SACS: variants seen among roughly 807,000 people sequenced by gnomAD.
The protein encoded by SACS is sacsin.
In SACS, 197 loss-of-function variants were observed where a neutral mutation model predicts 348.0. The observed-to-expected ratio is 0.57, with a 90% CI of 0.50 to 0.64. The LOEUF (loss-of-function observed/expected upper bound fraction) is 0.64. Among genes scored for constraint, SACS ranks in the 30% least tolerant of loss-of-function variants. The pLI is 0.00. For missense variants in SACS, 4,999 were observed against 5,360.8 expected (o/e 0.93, Z 2.11); for synonymous variants, 1,985 against 1,910.6 (o/e 1.04, Z -1.02).
chr13:23,333,549 T>G lies in SACS; in HGVS notation c.10327A>C (p.Lys3443Gln), dbSNP rs768317695. ...TKSIPSAEVE[K>Q]WTQSSSSAFL... ...GCAGATGATGATGACTGTGTCCATT[T>G]CTCCACTTCAGCTGAAGGGATACTT... The change falls in exon 10 of 10, where the codon AAA (lysine) becomes CAA (glutamine). Residue 3443 changes from lysine to glutamine, a missense_variant. Around this residue, in one of 6 missense-constraint regions of SACS, gnomAD observed 734 missense variants for 694.0 expected, o/e 1.06. Transcript: ENST00000382292. The G allele has an allele frequency of 1.2e-6, 2 of 1,613,654 alleles. No individual in the cohort carries two copies. Among genetic ancestry groups the G allele is most frequent in the Non-Finnish European group, 1.7e-6 (2 of 1,179,690 alleles).
intron 5 of SACS, 77 bp from the exon 6 acceptor site, chr13:23,365,354 AT>A: frequency 1.2e-6 from 1 of 857,960 alleles, no homozygotes; most frequent in East Asian, 2.7e-5. Flanking sequence ...TATCTATAAT[AT>A]TTAAGAAGTT....
intron 1 of SACS, among the ~76,000 whole-genome samples, chr13:23,418,541 CTG>C (rs1243185490): frequency 6.6e-6 from 1 of 152,034 alleles, no homozygotes; most frequent in East Asian, 1.9e-4. Flanking sequence ...GAGTCTTGCT[CTG>C]TCTCTCCAGC....
At chr13:23,359,349 AATCTT>A (rs1182088477) in intron 6 of SACS, among the ~76,000 whole-genome samples, 2 of 152,196 alleles carry the variant, frequency 1.3e-5, no homozygotes, top group Non-Finnish European at 2.9e-5. Context: ...TTAAAAAATA[AATCTT>A]ATTTCATAAG....
In SACS at chr13:23,336,984, T is replaced by G. The variant is rs183358981; in HGVS notation, c.6892A>C (p.Lys2298Gln). The G allele has an allele frequency of 2.5e-6, 4 of 1,614,040 alleles. No individual in the cohort carries two copies. Among genetic ancestry groups the G allele is most frequent in the Admixed American group, 3.3e-5 (2 of 60,022 alleles). ...PTVDLVINQL[K>Q]EVAKSVDDGI... ...TCATCAACTGATTTTGCTACTTCTT[T>G]CAATTGGTTTATAACCAGATCAACT... Residue 2298 changes from lysine to glutamine, a missense_variant, in exon 10 of 10, where the codon AAA becomes CAA. This residue lies in a region of SACS where 3,156 missense variants were observed against 3,380.1 expected (regional missense o/e 0.93). Coordinates refer to ENST00000382292, the MANE Select transcript of SACS (RefSeq NM_014363.6).
chr13:23,384,492 C>T (rs536511477), intron 2 of SACS, among the ~76,000 whole-genome samples: 1 of 152,326 alleles, frequency 6.6e-6, no homozygotes, highest in East Asian at 1.9e-4. Context: ...TCCTTCTTAA[C>T]TTTTCTGTTT....
chr13:23,354,874 G>C lies in SACS; in HGVS notation c.1738C>G (p.Leu580Val), dbSNP rs1313635074. The C allele has an allele frequency of 6.2e-7, 1 of 1,614,138 alleles. No homozygotes were observed. Among genetic ancestry groups the C allele is most frequent in the South Asian group, 1.1e-5 (1 of 91,090 alleles). Residue 580 changes from leucine to valine, a missense_variant, in exon 8 of 10, where the codon CTT (leucine) becomes GTT (valine). By Grantham distance (32) the Leu-to-Val change is conservative (BLOSUM62 1). This residue lies in a region of SACS where 3,156 missense variants were observed against 3,380.1 expected (regional missense o/e 0.93). Coordinates refer to ENST00000382292, the MANE Select transcript of SACS (RefSeq NM_014363.6). ...TTTGTGTATTCTAAATTTTCATCAA[G>C]TTCTGAGAAGTACACCTGCTCCAAC... is the stretch of plus-strand genomic sequence containing the variant. ...VRLEQVYFSE[L>V]DENLEYTKTV...
Position 23,340,078 on chromosome 13 carries a change from C to T in SACS, c.3798G>A (p.Gly1266=). 1 of 1,613,944 alleles carries T rather than the reference C, an allele frequency of 6.2e-7. No individual in the cohort carries two copies. Among genetic ancestry groups the T allele is most frequent in the Non-Finnish European group, 8.5e-7 (1 of 1,179,928 alleles). The change falls in exon 10 of 10, where the codon GGG becomes GGA. Residue 1266 remains glycine, a synonymous_variant. Coordinates refer to ENST00000382292, the MANE Select transcript of SACS (RefSeq NM_014363.6). ...ATTTTAAGGCTCTAAAAGAATCTTT[C>T]CCTTCATTTAGATGATCATGCATGA... The part of the protein sequence containing the change: ...YGFMHDHLNE[G]KDSFRALKFP...
rs754033201 is a variant in SACS at position 23,337,527 on chromosome 13, C to T, written c.6349G>A (p.Glu2117Lys). The change falls in exon 10 of 10, where the codon GAA becomes AAA. Residue 2117 changes from glutamate (E) to lysine (K), a missense_variant. Physicochemically the swap from Glu to Lys is moderately conservative, Grantham distance 56. Around this residue, in one of 6 missense-constraint regions of SACS, gnomAD observed 3,156 missense variants for 3,380.1 expected, o/e 0.93. Transcript: ENST00000382292. Reference protein sequence around the residue: ...LVLPSRLIHPEGRVAKLFDIK... With the variant: ...LVLPSRLIHPKGRVAKLFDIK... ...TCAAATAACTTTGCAACTCGTCCTTCGGGGTGGATCAATCTTGATGGCAAA... is the reference window on the plus strand; with the variant it reads ...TCAAATAACTTTGCAACTCGTCCTTTGGGGTGGATCAATCTTGATGGCAAA... 22 of 1,613,892 alleles carry T rather than the reference C, an allele frequency of 1.4e-5. No homozygotes were observed. The highest frequency in any genetic ancestry group is 9.3e-5 in the African/African-American group (7 of 74,990).
intron 7 of SACS, among the ~76,000 whole-genome samples, chr13:23,357,796 T>C (rs182301443): frequency 6.6e-6 from 1 of 152,338 alleles, no homozygotes; most frequent in Non-Finnish European, 1.5e-5. Flanking sequence ...AGATTAAAAA[T>C]ATGATTTCAA....
At chr13:23,409,378 C>T (rs1364403673) in intron 2 of SACS, among the ~76,000 whole-genome samples, 4 of 95,462 alleles carry the variant, frequency 4.2e-5, no homozygotes, top group Admixed American at 1.3e-4. Flanking sequence ...TTTTTTTAAA[C>T]ATGGTGTTTC....
In SACS at chr13:23,329,314, ATATAAAT is replaced by A. The variant is rs1347990910; in HGVS notation, c.*815_*821del. The A allele has an allele frequency of 3.1e-6, 2 of 639,442 alleles. No individual in the cohort carries two copies. The highest frequency in any genetic ancestry group is 3.8e-5 in the African/African-American group (2 of 52,344). The allele number at this position is 639,442 out of a possible 1,614,324, so 39.6% of individuals were successfully genotyped here. On this transcript the variant is annotated 3_prime_UTR_variant, in exon 10 of 10. Transcript: ENST00000382292. ...AGATTGCATCCTGTTCAACCACACT[ATATAAAT>A]TATAACATTTGTGGAAAATATGTAC...
rs765901247 is a variant in SACS, at chr13:23,355,739, C to T, written c.873G>A (p.Lys291=). 6.2e-7 allele frequency: 1 copy of T among 1,614,138 alleles called. No individual in the cohort carries two copies. Among genetic ancestry groups the T allele is most frequent in the South Asian group, 1.1e-5 (1 of 91,074 alleles). Reference sequence around the variant, plus strand: ...TAAAAGACTCAAACAACTCAAGAACCTTCTGCTTATTGTAGAGGTTACTAC... The same window carrying T: ...TAAAAGACTCAAACAACTCAAGAACTTTCTGCTTATTGTAGAGGTTACTAC... ...QLSSNLYNKQ[K]VLELFESFRA... is the part of the protein sequence containing the mutation. The change falls in exon 8 of 10, where the codon AAG becomes AAA. Residue 291 remains lysine, a synonymous_variant. Coordinates refer to ENST00000382292, the MANE Select transcript of SACS (RefSeq NM_014363.6).
At position 23,337,235 on chromosome 13, in the gene SACS, C is replaced by A. The variant is rs765977497; in HGVS notation, c.6641G>T (p.Arg2214Leu). ...KDFAAKYQTI[R>L]FLPFLTKPAG... Reference sequence around the variant, plus strand: ...TGGTTTTGTCAGAAATGGAAGGAAGCGGATTGTTTGATATTTTGCAGCAAA... The same window carrying A: ...TGGTTTTGTCAGAAATGGAAGGAAGAGGATTGTTTGATATTTTGCAGCAAA... Residue 2214 changes from arginine to leucine, a missense_variant, in exon 10 of 10, where the codon CGC becomes CTC. Transcript: ENST00000382292. 5.0e-6 allele frequency: 8 copies of A among 1,613,746 alleles called. No individual in the cohort carries two copies. The African/African-American group carries it at 9.3e-5, about 19-fold the overall frequency.
intron 2 of SACS, among the ~76,000 whole-genome samples, chr13:23,407,890 G>A (rs762055147): frequency 3.9e-5 from 6 of 152,192 alleles, no homozygotes; most frequent in South Asian, 2.1e-4. Flanking sequence ...CTTGATAGCC[G>A]ATCATTGTTT....
rs1396017233 is a variant in SACS at position 23,429,194 on chromosome 13, ATATCT to A, written c.-502+4416_-502+4420del. On this transcript the variant is annotated intron_variant, in intron 1 of 9. Transcript: ENST00000382292. ...TTTAAGTGTCATTTCAGAATACATAATATCTTAATTGATATTATCTAATAATATTG... is the reference window on the plus strand; with the variant it reads ...TTTAAGTGTCATTTCAGAATACATAATAATTGATATTATCTAATAATATTG... 4.6e-5 allele frequency among the ~76,000 whole-genome samples: 7 copies of A among 152,122 alleles called. No individual in the cohort carries two copies. The South Asian group carries it at 8.3e-4, about 18-fold the overall frequency.
intron 1 of SACS, among the ~76,000 whole-genome samples, chr13:23,412,463 G>C (rs1484854395): frequency 1.3e-5 from 2 of 148,996 alleles, no homozygotes; most frequent in African/African-American, 2.5e-5. Flanking sequence ...GTCCAGGCTG[G>C]AGTGAAGTGG....
chr13:23,378,206 T>C (rs375213808), intron 2 of SACS, among the ~76,000 whole-genome samples: 1 of 152,184 alleles, frequency 6.6e-6, no homozygotes, highest in Non-Finnish European at 1.5e-5. Context: ...AGTTTGTTGT[T>C]TGGTTGCCAG....
chr13:23,330,985 CT>C lies in SACS; in HGVS notation c.12890del (p.Lys4297SerfsTer11). On this transcript the variant is annotated frameshift_variant, in exon 10 of 10. Coordinates refer to ENST00000382292, the MANE Select transcript of SACS (RefSeq NM_014363.6). LOFTEE classifies it high-confidence loss of function. ...TTTCTGGTAAAGAATTAACCTTAAG[CT>C]TTTTGGGGGACTGATGTTTGGAAGA... ...KTSSKHQSPK[K>X]LKVNSLPEIL... The C allele has an allele frequency of 6.2e-7, 1 of 1,613,990 alleles. No homozygotes were observed. The highest frequency in any genetic ancestry group is 1.1e-5 in the South Asian group (1 of 91,086).
chr13:23,368,305 A>G, intron 5 of SACS, 97 bp downstream of exon 5: 1 of 858,310 alleles, frequency 1.2e-6, no homozygotes, highest in Non-Finnish European at 1.8e-6. Flanking sequence ...TCTAGACAAC[A>G]TTTTAAAAAT....
Sources: gnomAD v4.1 joint callset for allele counts (sites outside exome capture counted in the v4.1 genomes callset) on GRCh38, gnomAD v4.1.1 for gene constraint, gnomAD v4.1.1 regional missense constraint, MANE v1.5 for transcripts, NCBI Gene and HGNC (gene_info 2026-07-23, HGNC 2026-07-21) for gene names.